Variants in FNDC3B observed in about 807,000 individuals in gnomAD.
FNDC3B encodes the protein fibronectin type III domain-containing protein 3B.
Under a neutral mutation model 151.5 loss-of-function variants are expected in FNDC3B, and 12 were observed. The ratio of observed to expected loss-of-function variants is 0.08; its 90% CI spans 0.05 to 0.13. The LOEUF is 0.13. Ranked by LOEUF, FNDC3B falls within the 10% of genes least tolerant of loss-of-function variation. The probability of loss-of-function intolerance (pLI) is 1.00; values close to 1 mark genes in which losing one functional copy is unlikely to be tolerated. For synonymous variants in FNDC3B, 528 were observed against 549.0 expected (o/e 0.96, Z 0.54); for missense variants, 1,214 against 1,505.3 (o/e 0.81, Z 3.20).
chr3:172,335,378 C>T (rs2108296049), intron 15 of FNDC3B: 1 of 217,602 alleles, frequency 4.6e-6, no homozygotes, highest in African/African-American at 2.3e-5. Flanking sequence ...TTTTTTTCTC[C>T]TATATTTTTA....
intron 25 of FNDC3B, among the ~76,000 whole-genome samples, chr3:172,390,598 C>G (rs2108389651): frequency 6.6e-6 from 1 of 151,398 alleles, no homozygotes; most frequent in South Asian, 2.1e-4. Context: ...CTCAAGTGAT[C>G]CTCCCGCTGA....
At chr3:172,240,565 A>G (rs1013796335) in intron 4 of FNDC3B, among the ~76,000 whole-genome samples, 2 of 152,226 alleles carry the variant, frequency 1.3e-5, no homozygotes, top group Non-Finnish European at 1.5e-5. Flanking sequence ...CAGCTTCTGT[A>G]TAATTTTCTA....
At chr3:172,348,546 A>G (rs1362239646) in intron 21 of FNDC3B, among the ~76,000 whole-genome samples, 1 of 152,218 alleles carries the variant, frequency 6.6e-6, no homozygotes, top group Non-Finnish European at 1.5e-5. Context: ...TTTTTCTACC[A>G]AGGCAGGATA....
intron 25 of FNDC3B, among the ~76,000 whole-genome samples, chr3:172,382,140 C>T (rs1735475427): frequency 6.6e-6 from 1 of 152,188 alleles, no homozygotes; most frequent in African/African-American, 2.4e-5. Context: ...CTGTTGTTTC[C>T]TGACTTTTTA....
chr3:172,180,427 A>G (rs996525977), intron 3 of FNDC3B, among the ~76,000 whole-genome samples: 6 of 152,116 alleles, frequency 3.9e-5, no homozygotes, highest in Non-Finnish European at 7.3e-5. Context: ...GATAGAACCC[A>G]TGGTTCCCTC....
Position 172,040,252 on chromosome 3 carries a change from A to G in FNDC3B, c.-29+481A>G, listed in dbSNP as rs1715952317. Among the ~76,000 whole-genome samples, 2 of 151,564 alleles carry G rather than the reference A, an allele frequency of 1.3e-5. No individual in the cohort carries two copies. ...GACGTGTCACTTTCTGAGGCTGTAG[A>G]TTTCCATATGGTGGAGGGAAGAGGG... On this transcript the variant is annotated intron_variant, in intron 1 of 25. Transcript: ENST00000415807. This position sits in a 1 kb window ranked among gnomAD's most constrained non-coding sequence, Gnocchi z 6.6.
At chr3:172,073,058 A>G (rs566556824) in intron 1 of FNDC3B, among the ~76,000 whole-genome samples, 15 of 152,280 alleles carry the variant, frequency 9.9e-5, no homozygotes, top group African/African-American at 3.6e-4. Flanking sequence ...GACCATAGCC[A>G]CCCTGCAGAC....
chr3:172,174,942 C>CCCCCCCCCCCCCCCA (rs1553769237), intron 3 of FNDC3B, among the ~76,000 whole-genome samples: 2 of 66,488 alleles, frequency 3.0e-5, no homozygotes, highest in Non-Finnish European at 4.0e-5. Flanking sequence ...CACCCCCCCC[C>CCCCCCCCCCCCCCCA]CCCCAATACA....
chr3:172,263,915 A>C (rs17461279), intron 6 of FNDC3B, among the ~76,000 whole-genome samples: 23,247 of 152,136 alleles, frequency 0.15, 2,321 homozygotes, highest in Non-Finnish European at 0.21. Flanking sequence ...TAGAATCAGT[A>C]GGATTTCCTG....
intron 4 of FNDC3B, among the ~76,000 whole-genome samples, chr3:172,242,565 G>T (rs762214185): frequency 6.6e-6 from 1 of 152,192 alleles, no homozygotes; most frequent in African/African-American, 2.4e-5. Context: ...AGCCTGAGCT[G>T]TACCTTGGCC....
chr3:172,161,466 G>A (rs919017401), intron 3 of FNDC3B, among the ~76,000 whole-genome samples: 15 of 152,168 alleles, frequency 9.9e-5, no homozygotes, highest in Admixed American at 5.9e-4. Context: ...ATGGATTCTG[G>A]CCCAGCCTCT....
chr3:172,209,378 C>T (rs1725606977), intron 3 of FNDC3B, among the ~76,000 whole-genome samples: 1 of 152,100 alleles, frequency 6.6e-6, no homozygotes, highest in East Asian at 1.9e-4. Context: ...GTTTTTCTTC[C>T]ACATCCAGGA....
At chr3:172,243,737 T>C (rs1727625066) in intron 4 of FNDC3B, among the ~76,000 whole-genome samples, 1 of 152,222 alleles carries the variant, frequency 6.6e-6, no homozygotes, top group Non-Finnish European at 1.5e-5. Flanking sequence ...TCTCCTCTTA[T>C]ATAGATACTG....
At chr3:172,331,426 T>G (rs879864275) in intron 13 of FNDC3B, among the ~76,000 whole-genome samples, 1 of 152,192 alleles carries the variant, frequency 6.6e-6, no homozygotes, top group Non-Finnish European at 1.5e-5. Flanking sequence ...GGCGCGATGT[T>G]GGCTCACCTC....
chr3:172,184,985 A>T (rs566495037), intron 3 of FNDC3B, among the ~76,000 whole-genome samples: 2 of 152,372 alleles, frequency 1.3e-5, no homozygotes, highest in East Asian at 3.9e-4. Context: ...AAGAAGGAAT[A>T]TTCTGACCAC....
intron 3 of FNDC3B, among the ~76,000 whole-genome samples, chr3:172,135,462 C>G (rs1678276061): frequency 1.3e-5 from 2 of 152,166 alleles, no homozygotes; most frequent in African/African-American, 4.8e-5. Context: ...GACACTAACA[C>G]TCCTAACAGT....
chr3:172,341,277 G>C, intron 17 of FNDC3B, 46 bp downstream of exon 17: 1 of 1,346,808 alleles, frequency 7.4e-7, no homozygotes, highest in Non-Finnish European at 1.1e-6. Context: ...GATCAAATTC[G>C]GACAAACTGT....
chr3:172,141,548 A>G (rs967269394), intron 3 of FNDC3B, among the ~76,000 whole-genome samples: 2 of 152,182 alleles, frequency 1.3e-5, no homozygotes, highest in African/African-American at 4.8e-5. Context: ...TGAATTCCAT[A>G]CTTCTGGCTG....
chr3:172,351,938 G>T (rs1733877507), intron 21 of FNDC3B, among the ~76,000 whole-genome samples: 1 of 152,174 alleles, frequency 6.6e-6, no homozygotes, highest in Admixed American at 6.5e-5. Flanking sequence ...GTTGAATACA[G>T]ATACCCTAGA....
Sources: gnomAD v4.1 joint callset for allele counts (sites outside exome capture counted in the v4.1 genomes callset) on GRCh38, gnomAD v4.1.1 for gene constraint, Gnocchi (gnomAD v3.1) non-coding constraint, MANE v1.5 for transcripts, NCBI Gene and HGNC (gene_info 2026-07-23, HGNC 2026-07-21) for gene names.